RASGEF1A: variants seen among roughly 807,000 people sequenced by gnomAD.
RASGEF1A encodes RasGEF domain family member 1A, also known as ras-GEF domain-containing family member 1A.
In RASGEF1A, 18 loss-of-function variants were observed where a neutral mutation model predicts 56.4. That is an observed-to-expected ratio of 0.32 (90% CI 0.22 to 0.47). The LOEUF (loss-of-function observed/expected upper bound fraction) is 0.47. RASGEF1A is among the 20% of genes least tolerant of loss of function. The pLI is 1.00. For synonymous variants in RASGEF1A, 245 were observed against 242.6 expected, an observed-to-expected ratio of 1.01 and a Z score of -0.09; for missense variants, 422 against 627.1, an observed-to-expected ratio of 0.67 and a Z score of 3.49.
intron 1 of RASGEF1A, among the ~76,000 whole-genome samples, chr10:43,220,354 G>A (rs949557728): frequency 6.6e-6 from 1 of 152,084 alleles, no homozygotes; most frequent in Non-Finnish European, 1.5e-5. Context: ...TTAGCCAGGG[G>A]CAGTGGCATA....
At chr10:43,235,617 C>A (rs1840420052) in intron 1 of RASGEF1A, among the ~76,000 whole-genome samples, 1 of 152,236 alleles carries the variant, frequency 6.6e-6, no homozygotes, top group Non-Finnish European at 1.5e-5. Context: ...TTCCTGCCCC[C>A]ATTGGTGTGT....
intron 1 of RASGEF1A, among the ~76,000 whole-genome samples, chr10:43,226,560 C>A (rs1307065316): frequency 6.6e-6 from 1 of 152,162 alleles, no homozygotes; most frequent in Non-Finnish European, 1.5e-5. Flanking sequence ...CCTCAGGAGC[C>A]CCCACGCCTC....
At chr10:43,208,124 A>G (rs980717930) in intron 1 of RASGEF1A, 16 of 985,374 alleles carry the variant, frequency 1.6e-5, no homozygotes, top group Middle Eastern at 5.2e-4. Context: ...TCTGAGGCCA[A>G]TGCACTGTGG....
chr10:43,244,086 C>T (rs1840542221), intron 1 of RASGEF1A, among the ~76,000 whole-genome samples: 1 of 152,070 alleles, frequency 6.6e-6, no homozygotes, highest in African/African-American at 2.4e-5. Flanking sequence ...ATAACCTTAC[C>T]CCCAACCCCC....
chr10:43,207,705 C>T, intron 1 of RASGEF1A: 2 of 985,470 alleles, frequency 2.0e-6, no homozygotes, highest in South Asian at 4.7e-5. Flanking sequence ...GCAGCGGTGC[C>T]TCACACAAGT....
chr10:43,209,778 G>A (rs952132161), intron 1 of RASGEF1A, among the ~76,000 whole-genome samples: 1 of 152,166 alleles, frequency 6.6e-6, no homozygotes, highest in Admixed American at 6.5e-5. Context: ...AAGTCCAGCT[G>A]GGGCTGGCCT....
intron 5 of RASGEF1A, 39 bp downstream of exon 5, chr10:43,200,628 C>A (rs768084549): frequency 6.4e-7 from 1 of 1,565,298 alleles, no homozygotes; most frequent in Admixed American, 1.7e-5. Context: ...TGTGGTCCCA[C>A]AGCCCCCACC....
intron 1 of RASGEF1A, among the ~76,000 whole-genome samples, chr10:43,212,249 C>A (rs1433841184): frequency 1.3e-5 from 2 of 152,222 alleles, no homozygotes; most frequent in Non-Finnish European, 2.9e-5. Flanking sequence ...CATCTCTCCA[C>A]TCGCTCCCAG....
At chr10:43,229,595 C>G (rs996943455) in intron 1 of RASGEF1A, 4 of 1,461,680 alleles carry the variant, frequency 2.7e-6, no homozygotes, top group Non-Finnish European at 9.1e-7. Flanking sequence ...AGCGCAAGAA[C>G]CCTGCCCCGC....
chr10:43,196,411 C>T lies in RASGEF1A; in HGVS notation c.1421+65G>A. The T allele has an allele frequency of 6.4e-7, 1 of 1,569,112 alleles. No homozygotes were observed. Among genetic ancestry groups the T allele is most frequent in the Non-Finnish European group, 8.8e-7 (1 of 1,139,370 alleles). ...CCAGGCTCCCTTTCCAGGAGGGTAA[C>T]CCTCGTGCCCACCCTGAGTCCTCCC... On this transcript the variant is annotated intron_variant, in intron 12 of 12. Transcript: ENST00000395810. The surrounding 1 kb of genome is among the most constrained non-coding windows in gnomAD (Gnocchi z 4.6).
chr10:43,210,738 C>T (rs1343979812), intron 1 of RASGEF1A, among the ~76,000 whole-genome samples: 1 of 152,238 alleles, frequency 6.6e-6, no homozygotes, highest in Non-Finnish European at 1.5e-5. Context: ...ACCCTCCTCC[C>T]ACCCAGGATG....
Position 43,202,105 on chromosome 10 carries a change from G to A in RASGEF1A, c.322-160C>T, listed in dbSNP as rs546262356. 7.9e-5 allele frequency among the ~76,000 whole-genome samples: 12 copies of A among 152,228 alleles called. No individual in the cohort carries two copies. In the South Asian group the frequency reaches 8.3e-4, roughly 11 times the overall value. ...CCTGCGGTTTGGCCAAACCTGAACCGCCACATGACTCCTGTTTGGTTCCTT... is the reference window on the plus strand; with the variant it reads ...CCTGCGGTTTGGCCAAACCTGAACCACCACATGACTCCTGTTTGGTTCCTT... On this transcript the variant is annotated intron_variant, in intron 3 of 12. Transcript: ENST00000395810.
rs984352381 is a variant in RASGEF1A, at chr10:43,205,831, C to T, written c.198+88G>A. On this transcript the variant is annotated intron_variant, in intron 2 of 12. Coordinates refer to ENST00000395810, the MANE Select transcript of RASGEF1A (RefSeq NM_145313.4). Reference sequence around the variant, plus strand: ...CCTGCAGCCCTGTCCAGCTCTACCACTCTGTGGGGGCCTCCCTCCCACACC... The same window carrying T: ...CCTGCAGCCCTGTCCAGCTCTACCATTCTGTGGGGGCCTCCCTCCCACACC... 3.5e-6 allele frequency: 4 copies of T among 1,127,500 alleles called. No individual in the cohort carries two copies. The African/African-American group carries it at 4.6e-5, about 13-fold the overall frequency. 69.8% of individuals were successfully genotyped at this position (1,127,500 alleles called of 1,614,324 possible). A position where few individuals can be genotyped will look rare whatever the true frequency, so the allele number is the denominator to read the frequency against.
intron 1 of RASGEF1A, among the ~76,000 whole-genome samples, chr10:43,241,612 T>C (rs1386211386): frequency 1.3e-5 from 2 of 152,088 alleles, no homozygotes; most frequent in Non-Finnish European, 1.5e-5. Context: ...AATATCTAAA[T>C]ATCTATTTAA....
At chr10:43,260,937 T>C (rs1216478227) in intron 1 of RASGEF1A, among the ~76,000 whole-genome samples, 3 of 152,252 alleles carry the variant, frequency 2.0e-5, no homozygotes, top group African/African-American at 4.8e-5. Context: ...AATTGCACTG[T>C]AGTCGGAACA....
intron 1 of RASGEF1A, among the ~76,000 whole-genome samples, chr10:43,231,076 C>A (rs1476042384): frequency 6.6e-6 from 1 of 152,254 alleles, no homozygotes; most frequent in East Asian, 1.9e-4. Flanking sequence ...TGTGGGTGGG[C>A]AGTGCGGGGA....
chr10:43,205,923 G>T lies in RASGEF1A; in HGVS notation c.194C>A (p.Pro65His). The change falls in exon 2 of 13, where the codon CCC becomes CAC. Residue 65 changes from proline (P) to histidine (H), a missense_variant. Around this residue, in one of 2 missense-constraint regions of RASGEF1A, gnomAD observed 273 missense variants for 339.9 expected, o/e 0.80. Coordinates refer to ENST00000395810, the MANE Select transcript of RASGEF1A (RefSeq NM_145313.4). ...CACAAGGCCCCACGTACTCACATCGGGGTAATAGTCCACCGTGGGAACAAG... is the reference window on the plus strand; with the variant it reads ...CACAAGGCCCCACGTACTCACATCGTGGTAATAGTCCACCGTGGGAACAAG... Reference protein sequence around the residue: ...EHLVPTVDYYPDRTYIFTFLL... With the variant: ...EHLVPTVDYYHDRTYIFTFLL... 6.2e-7 allele frequency: 1 copy of T among 1,612,084 alleles called. No homozygotes were observed.
chr10:43,246,107 T>TA (rs1252971421), intron 1 of RASGEF1A, among the ~76,000 whole-genome samples: 1 of 152,212 alleles, frequency 6.6e-6, no homozygotes, highest in African/African-American at 2.4e-5. Context: ...AAATCAATTG[T>TA]AATTCTATAT....
intron 1 of RASGEF1A, among the ~76,000 whole-genome samples, chr10:43,264,806 A>G (rs1836595935): frequency 6.6e-6 from 1 of 151,848 alleles, no homozygotes; most frequent in Non-Finnish European, 1.5e-5. Context: ...GCATCCCTCC[A>G]CCAGCCCCTC....
Sources: gnomAD v4.1 joint callset for allele counts (sites outside exome capture counted in the v4.1 genomes callset) on GRCh38, gnomAD v4.1.1 for gene constraint, gnomAD v4.1.1 regional missense constraint, Gnocchi (gnomAD v3.1) non-coding constraint, MANE v1.5 for transcripts, NCBI Gene and HGNC (gene_info 2026-07-23, HGNC 2026-07-21) for gene names.